NOXRED1: variants seen among roughly 807,000 people sequenced by gnomAD.
NOXRED1 encodes NADP dependent oxidoreductase domain containing 1.
In NOXRED1, 20 loss-of-function variants were observed where a neutral mutation model predicts 30.4. The observed-to-expected ratio is 0.66, with a 90% CI of 0.46 to 0.96. The LOEUF (loss-of-function observed/expected upper bound fraction) is 0.96, where lower values mean the gene tolerates loss of function less well. NOXRED1 is among the 40% of genes least tolerant of loss of function. The pLI is 0.00. For synonymous variants in NOXRED1, 155 were observed against 168.0 expected (o/e 0.92, Z 0.60); for missense variants, 374 against 428.0 (o/e 0.87, Z 1.11).
At position 77,405,938 on chromosome 14, in the gene NOXRED1, A is replaced by G; in HGVS notation, c.880T>C (p.Tyr294His). The G allele has an allele frequency of 6.2e-7, 1 of 1,612,888 alleles. No homozygotes were observed. The highest frequency in any genetic ancestry group is 8.5e-7 in the Non-Finnish European group (1 of 1,179,226). The change falls in exon 5 of 6, where the codon TAT becomes CAT. Residue 294 changes from tyrosine to histidine, a missense_variant. By Grantham distance (83) the Tyr-to-His change is moderately conservative (BLOSUM62 2). Transcript: ENST00000380835. ...CTTTCCTGAGACAAATTCTTGCCAT[A>G]GGCTTTGCTGACAAAATCTGTTAAT... ...LQLTDFVSKAYGKNLSQERPF... is the reference protein window; with the variant it reads ...LQLTDFVSKAHGKNLSQERPF...
intron 1 of NOXRED1, among the ~76,000 whole-genome samples, chr14:77,421,976 T>C (rs1342657080): frequency 2.0e-5 from 3 of 152,196 alleles, no homozygotes; most frequent in African/African-American, 2.4e-5. Flanking sequence ...TATGCATCCT[T>C]ATCAGTAAGC....
intron 5 of NOXRED1, among the ~76,000 whole-genome samples, chr14:77,395,321 T>C (rs1894154167): frequency 6.6e-6 from 1 of 151,988 alleles, no homozygotes; most frequent in South Asian, 2.1e-4. Flanking sequence ...TTAGCCAGGA[T>C]GGTCTCAATC....
Position 77,407,579 on chromosome 14 carries a change from A to T in NOXRED1, c.416T>A (p.Val139Glu). 1 of 1,613,906 alleles carries T rather than the reference A, an allele frequency of 6.2e-7. No individual in the cohort carries two copies. Among genetic ancestry groups the T allele is most frequent in the Non-Finnish European group, 8.5e-7 (1 of 1,179,750 alleles). The stretch of plus-strand genomic sequence containing the variant: ...AGACGGCAAGCAGCAGAGGAATATC[A>T]CATCGGCCCAACTCACCAGATCAGC... ...HNADLVSWADVIFLCCLPSQL... is the reference protein window; with the variant it reads ...HNADLVSWADEIFLCCLPSQL... The change falls in exon 3 of 6, where the codon GTG (valine) becomes GAG (glutamate). Residue 139 changes from valine (V) to glutamate (E), a missense_variant. Transcript: ENST00000380835.
At chr14:77,420,165 T>C (rs1464474514) in intron 1 of NOXRED1, among the ~76,000 whole-genome samples, 1 of 152,172 alleles carries the variant, frequency 6.6e-6, no homozygotes, top group Non-Finnish European at 1.5e-5. Flanking sequence ...ACTTTTCTTT[T>C]CTTTTTGCTC....
intron 5 of NOXRED1, 72 bp downstream of exon 5, chr14:77,405,841 A>C: frequency 1.1e-6 from 1 of 898,838 alleles, no homozygotes; most frequent in Non-Finnish European, 1.8e-6. Flanking sequence ...ATGAAAGGAT[A>C]AAAGAAAAAA....
chr14:77,397,257 T>C (rs1206072235), intron 5 of NOXRED1, among the ~76,000 whole-genome samples: 2 of 152,338 alleles, frequency 1.3e-5, no homozygotes, highest in East Asian at 3.9e-4. Context: ...TGGATGAATC[T>C]CCAGAGACTT....
At chr14:77,407,256 A>G (rs1222950117) in intron 3 of NOXRED1, among the ~76,000 whole-genome samples, 1 of 152,246 alleles carries the variant, frequency 6.6e-6, no homozygotes, top group Admixed American at 6.5e-5. Flanking sequence ...CAGCAACAAA[A>G]ATGGTTTGTG....
At chr14:77,410,685 G>GA (rs1425296291) in intron 2 of NOXRED1, among the ~76,000 whole-genome samples, 3 of 151,894 alleles carry the variant, frequency 2.0e-5, no homozygotes, top group Admixed American at 6.6e-5. Flanking sequence ...CACACCAACA[G>GA]AAAAAATGGT....
intron 1 of NOXRED1, among the ~76,000 whole-genome samples, chr14:77,416,973 A>T (rs1894845619): frequency 6.6e-6 from 1 of 152,122 alleles, no homozygotes; most frequent in Non-Finnish European, 1.5e-5. Flanking sequence ...TTTTGTTGCA[A>T]CCCATAAGTT....
intron 4 of NOXRED1, 92 bp downstream of exon 4, chr14:77,406,632 C>CAG (rs1361971865): frequency 2.4e-6 from 1 of 420,636 alleles, no homozygotes; most frequent in Middle Eastern, 6.8e-4. Flanking sequence ...CACACACACA[C>CAG]ACAGAGAGAG....
chr14:77,401,373 A>G (rs1358887128), intron 5 of NOXRED1, among the ~76,000 whole-genome samples: 1 of 150,214 alleles, frequency 6.7e-6, no homozygotes, highest in Non-Finnish European at 1.5e-5. Flanking sequence ...CTCCACCTCA[A>G]AAAAAAAAAG....
intron 2 of NOXRED1, among the ~76,000 whole-genome samples, chr14:77,409,147 C>T (rs927145808): frequency 1.3e-5 from 2 of 152,018 alleles, no homozygotes; most frequent in African/African-American, 2.4e-5. Flanking sequence ...ACTGAGAGTA[C>T]ATGGCAAATG....
At chr14:77,396,052 T>TA (rs11320351) in intron 5 of NOXRED1, among the ~76,000 whole-genome samples, 73 of 149,322 alleles carry the variant, frequency 4.9e-4, no homozygotes, top group Non-Finnish European at 5.8e-4. Flanking sequence ...CCCTGTCTGT[T>TA]AAAAAAAAAA....
rs757913374 is a variant in NOXRED1, at chr14:77,394,673, G to T, written c.1038C>A (p.Thr346=). The change falls in exon 6 of 6, where the codon ACC becomes ACA. Residue 346 remains threonine (T), a synonymous_variant. Transcript: ENST00000380835. ...CTGTGGAAATGACTGGCTGTTCTTTGGTTAGGGAGATGCCAAATGAAGCAC... is the reference window on the plus strand; with the variant it reads ...CTGTGGAAATGACTGGCTGTTCTTTTGTTAGGGAGATGCCAAATGAAGCAC... The part of the protein sequence containing the change: ...LYCASFGISL[T]KEQPVISTGF... The T allele has an allele frequency of 1.9e-6, 3 of 1,613,422 alleles. No individual in the cohort carries two copies. In the East Asian group the frequency reaches 6.7e-5, roughly 36 times the overall value.
chr14:77,412,182 T>C (rs1894679206), intron 2 of NOXRED1, among the ~76,000 whole-genome samples: 1 of 151,662 alleles, frequency 6.6e-6, no homozygotes, highest in Non-Finnish European at 1.5e-5. Context: ...GAAAATTATG[T>C]ACAAGGAAGT....
At chr14:77,399,259 C>T (rs1894263726) in intron 5 of NOXRED1, among the ~76,000 whole-genome samples, 1 of 151,900 alleles carries the variant, frequency 6.6e-6, no homozygotes, top group Admixed American at 6.6e-5. Context: ...GGAATTCAAG[C>T]TTGGGCAACA....
chr14:77,404,942 G>A (rs141604925), intron 5 of NOXRED1, among the ~76,000 whole-genome samples: 138 of 152,068 alleles, frequency 9.1e-4, no homozygotes, highest in African/African-American at 3.1e-3. Flanking sequence ...TTAAAGAAGT[G>A]GCACCCTCAT....
chr14:77,415,181 A>AACACACAC (rs57039967), intron 1 of NOXRED1, among the ~76,000 whole-genome samples: 5 of 149,514 alleles, frequency 3.3e-5, no homozygotes, highest in African/African-American at 1.2e-4. Flanking sequence ...GTCTCAGGAA[A>AACACACAC]ACACACACAC....
At chr14:77,401,264 G>A (rs1594869613) in intron 5 of NOXRED1, among the ~76,000 whole-genome samples, 1 of 151,882 alleles carries the variant, frequency 6.6e-6, no homozygotes, top group Admixed American at 6.6e-5. Context: ...CCCAGCTACT[G>A]GGGAGGCTGA....
Sources: allele counts gnomAD v4.1 joint callset (sites outside exome capture counted in the v4.1 genomes callset), GRCh38; gene constraint gnomAD v4.1.1; transcripts MANE v1.5; gene names NCBI Gene and HGNC (gene_info 2026-07-23, HGNC 2026-07-21).